Variants in KCNMB2 observed in about 807,000 individuals in gnomAD.
The protein encoded by KCNMB2 is potassium calcium-activated channel subfamily M regulatory beta subunit 2, also known as calcium-activated potassium channel subunit beta-2.
A neutral mutation model predicts 24.5 loss-of-function variants in KCNMB2; 9 were observed. The observed-to-expected ratio is 0.37, with a 90% CI of 0.22 to 0.64. KCNMB2 has a LOEUF of 0.64. Among genes scored for constraint, KCNMB2 ranks in the 30% least tolerant of loss-of-function variants. The pLI is 0.63. For synonymous variants in KCNMB2, 109 were observed against 104.4 expected, an observed-to-expected ratio of 1.04 and a Z score of -0.27; for missense variants, 226 against 284.3, an observed-to-expected ratio of 0.79 and a Z score of 1.47.
chr3:178,730,412 CA>C lies in KCNMB2; in HGVS notation c.-67-76930del, dbSNP rs372450333. 3.6e-3 allele frequency among the ~76,000 whole-genome samples: 362 copies of C among 101,724 alleles called. 7 individuals are homozygous for C. The highest frequency in any genetic ancestry group is 8.9e-3 in the South Asian group (25 of 2,822). The allele number at this position is 101,724 out of a possible 152,430, so 66.7% of individuals were successfully genotyped here. A position where few individuals can be genotyped will look rare whatever the true frequency, so the allele number is the denominator to read the frequency against. On this transcript the variant is annotated intron_variant, in intron 1 of 4. Transcript: ENST00000452583. ...TCACTACTGTCCCCCAACACCCCCC[CA>C]CACACACACACACACACAAACACAT...
intron 1 of KCNMB2, among the ~76,000 whole-genome samples, chr3:178,549,474 CTT>C (rs1237618463): frequency 0.099 from 9,261 of 93,772 alleles, 133 homozygotes; most frequent in South Asian, 0.16. Flanking sequence ...CAATGCCCAG[CTT>C]TTTTTTTTTT....
At chr3:178,593,901 G>A (rs187272443) in intron 1 of KCNMB2, among the ~76,000 whole-genome samples, 1 of 149,644 alleles carries the variant, frequency 6.7e-6, no homozygotes, top group Admixed American at 6.7e-5. Context: ...CGGCATACCA[G>A]ATCATTCATT....
intron 1 of KCNMB2, among the ~76,000 whole-genome samples, chr3:178,738,616 C>G (rs996356458): frequency 3.9e-5 from 6 of 152,092 alleles, no homozygotes; most frequent in African/African-American, 1.4e-4. Flanking sequence ...TGCCTGGAAC[C>G]CTCCTACCCA....
At chr3:178,582,871 A>T (rs1717267591) in intron 1 of KCNMB2, among the ~76,000 whole-genome samples, 1 of 152,192 alleles carries the variant, frequency 6.6e-6, no homozygotes. Context: ...TGGATTAAAT[A>T]CTATTTTTAC....
At chr3:178,646,177 T>C (rs1318108953) in intron 1 of KCNMB2, among the ~76,000 whole-genome samples, 1 of 152,160 alleles carries the variant, frequency 6.6e-6, no homozygotes, top group Non-Finnish European at 1.5e-5. Flanking sequence ...TGTCCCTGCC[T>C]AGATGATAGT....
intron 1 of KCNMB2, among the ~76,000 whole-genome samples, chr3:178,640,368 A>AAG (rs1329861000): frequency 6.6e-6 from 1 of 151,976 alleles, no homozygotes; most frequent in Non-Finnish European, 1.5e-5. Flanking sequence ...ATGGAGGAGC[A>AAG]AGAGAGAGAG....
chr3:178,755,439 G>C (rs1374636301), intron 1 of KCNMB2, among the ~76,000 whole-genome samples: 1 of 152,140 alleles, frequency 6.6e-6, no homozygotes, highest in Non-Finnish European at 1.5e-5. Context: ...ATGTAGAGTA[G>C]GAAAATGTAT....
intron 1 of KCNMB2, among the ~76,000 whole-genome samples, chr3:178,732,488 A>G (rs982612883): frequency 6.6e-6 from 1 of 152,104 alleles, no homozygotes; most frequent in Non-Finnish European, 1.5e-5. Context: ...TATACTTTTT[A>G]TGGTCTATTT....
chr3:178,685,167 G>A (rs1275581811), intron 1 of KCNMB2, among the ~76,000 whole-genome samples: 1 of 152,198 alleles, frequency 6.6e-6, no homozygotes, highest in Admixed American at 6.5e-5. Context: ...AACTGATCTG[G>A]TGACAAGCAA....
Position 178,842,800 on chromosome 3 carries a change from T to C in KCNMB2, c.571T>C (p.Tyr191His). ...NQKSVILTKL[Y>H]SSNVLFHSLF... ...GAAGAGTGTTATCCTAACAAAACTC[T>C]ACAGTTCCAACGTGCTGTTCCATTC... is the stretch of plus-strand genomic sequence containing the variant. Residue 191 changes from tyrosine (Y) to histidine (H), a missense_variant, in exon 5 of 5, where the codon TAC becomes CAC. Transcript: ENST00000452583. 6.2e-7 allele frequency: 1 copy of C among 1,613,998 alleles called. No individual in the cohort carries two copies. The highest frequency in any genetic ancestry group is 8.5e-7 in the Non-Finnish European group (1 of 1,179,882).
At chr3:178,539,432 CAA>C (rs1715540537) in intron 1 of KCNMB2, among the ~76,000 whole-genome samples, 2 of 151,910 alleles carry the variant, frequency 1.3e-5, no homozygotes. Flanking sequence ...CATTTTTTTT[CAA>C]AGAGCATCTA....
chr3:178,744,715 C>T (rs1211520843), intron 1 of KCNMB2, among the ~76,000 whole-genome samples: 2 of 126,130 alleles, frequency 1.6e-5, no homozygotes, highest in Admixed American at 8.1e-5. Context: ...TTGTGGGATC[C>T]GAAAAAAAAA....
intron 1 of KCNMB2, among the ~76,000 whole-genome samples, chr3:178,555,702 A>C (rs1419342801): frequency 6.6e-6 from 1 of 152,210 alleles, no homozygotes; most frequent in African/African-American, 2.4e-5. Context: ...GTTTACTCAG[A>C]TAGATTGTAA....
chr3:178,760,487 T>TAA (rs1338193201), intron 1 of KCNMB2, among the ~76,000 whole-genome samples: 1 of 134,934 alleles, frequency 7.4e-6, no homozygotes, highest in East Asian at 2.0e-4. Context: ...ATTATATATA[T>TAA]AATGTATCTC....
intron 1 of KCNMB2, among the ~76,000 whole-genome samples, chr3:178,548,550 T>A (rs1368421243): frequency 6.6e-6 from 1 of 152,198 alleles, no homozygotes; most frequent in Non-Finnish European, 1.5e-5. Context: ...TGTCTTTATA[T>A]CTCTGTCCCT....
chr3:178,785,839 A>G (rs1322184095), intron 1 of KCNMB2, among the ~76,000 whole-genome samples: 1 of 152,190 alleles, frequency 6.6e-6, no homozygotes, highest in Non-Finnish European at 1.5e-5. Context: ...ATATAAATAA[A>G]CAGCTCTGTG....
In KCNMB2 at chr3:178,685,925, AG is replaced by A. The variant is rs1225987958; in HGVS notation, c.-67-121417del. On this transcript the variant is annotated intron_variant, in intron 1 of 4. Coordinates refer to ENST00000452583, the MANE Select transcript of KCNMB2 (RefSeq NM_181361.3). ...CAAATTCTGGTTAGTCAAAGTAAAA[AG>A]TCCTCCAGGCTTCAGGAAAAAGCAC... 5.9e-5 allele frequency among the ~76,000 whole-genome samples: 9 copies of A among 152,338 alleles called. No homozygotes were observed. In the East Asian group the frequency reaches 1.7e-3, roughly 29 times the overall value.
At chr3:178,570,788 T>G (rs1398339883) in intron 1 of KCNMB2, among the ~76,000 whole-genome samples, 1 of 151,904 alleles carries the variant, frequency 6.6e-6, no homozygotes, top group Non-Finnish European at 1.5e-5. Flanking sequence ...AAAATGGGGG[T>G]AATAGGTAAT....
At chr3:178,832,153 T>C (rs9853141) in intron 4 of KCNMB2, among the ~76,000 whole-genome samples, 98,087 of 151,890 alleles carry the variant, frequency 0.65, 33,562 homozygotes, top group African/African-American at 0.87. Context: ...TGCAATGACA[T>C]CCCTAAAAAA....
Sources: allele counts gnomAD v4.1 joint callset (sites outside exome capture counted in the v4.1 genomes callset), GRCh38; gene constraint gnomAD v4.1.1; transcripts MANE v1.5; gene names NCBI Gene and HGNC (gene_info 2026-07-23, HGNC 2026-07-21).